The following KIF26B variants were observed in gnomAD, a reference collection of about 807,000 sequenced individuals.
KIF26B encodes kinesin family member 26B.
KIF26B carries 63 observed loss-of-function variants against 151.2 expected under a neutral mutation model. The ratio of observed to expected loss-of-function variants is 0.42; its 90% CI spans 0.34 to 0.51. The LOEUF (loss-of-function observed/expected upper bound fraction) is 0.51, where lower values mean the gene tolerates loss of function less well. Ranked by LOEUF, KIF26B falls within the 20% of genes least tolerant of loss-of-function variation. KIF26B has a pLI of 0.07. For synonymous variants in KIF26B, 1,357 were observed against 1,262.1 expected, an observed-to-expected ratio of 1.08 and a Z score of -1.59; for missense variants, 2,813 against 2,913.6, an observed-to-expected ratio of 0.97 and a Z score of 0.79.
At chr1:245,631,165 A>G (rs1445734988) in intron 9 of KIF26B, among the ~76,000 whole-genome samples, 1 of 152,152 alleles carries the variant, frequency 6.6e-6, no homozygotes, top group African/African-American at 2.4e-5. Context: ...TACTATGTTG[A>G]ATAACAGTGG....
intron 2 of KIF26B, among the ~76,000 whole-genome samples, chr1:245,257,945 C>T (rs952364985): frequency 2.6e-5 from 4 of 152,052 alleles, no homozygotes; most frequent in African/African-American, 7.2e-5. Flanking sequence ...TTGCTTGAAC[C>T]GGGAAGGCGG....
chr1:245,485,165 G>A lies in KIF26B; in HGVS notation c.1167-55602G>A, dbSNP rs1660253385. Among the ~76,000 whole-genome samples, 5 of 152,072 alleles carry A rather than the reference G, an allele frequency of 3.3e-5. No homozygotes were observed. The South Asian group carries it at 1.0e-3, about 32-fold the overall frequency. On this transcript the variant is annotated intron_variant, in intron 4 of 14. Coordinates refer to ENST00000407071, the MANE Select transcript of KIF26B (RefSeq NM_018012.4). ...CACTTAAATAGGGGACCTAGAATAG[G>A]CAAATTCATGCAGACAGAAATAGTG...
intron 2 of KIF26B, among the ~76,000 whole-genome samples, chr1:245,194,341 T>C (rs1338995334): frequency 2.0e-5 from 3 of 152,108 alleles, no homozygotes; most frequent in African/African-American, 7.2e-5. Flanking sequence ...GGGGTTAGAG[T>C]TGCCTAGATT....
intron 4 of KIF26B, among the ~76,000 whole-genome samples, chr1:245,532,466 C>CT (rs1661395114): frequency 1.3e-5 from 2 of 151,814 alleles, no homozygotes. Context: ...AGGATGGTCT[C>CT]GATCTCCCGA....
At chr1:245,183,435 T>G (rs1668941527) in intron 2 of KIF26B, among the ~76,000 whole-genome samples, 1 of 152,218 alleles carries the variant, frequency 6.6e-6, no homozygotes, top group South Asian at 2.1e-4. Flanking sequence ...TTCCAACACT[T>G]AGGTCTATGG....
intron 4 of KIF26B, among the ~76,000 whole-genome samples, chr1:245,456,369 A>G (rs1429857585): frequency 6.6e-6 from 1 of 152,252 alleles, no homozygotes; most frequent in East Asian, 1.9e-4. Flanking sequence ...TCCTTAGTAT[A>G]TAATTCTAGC....
At chr1:245,428,042 A>G (rs1190695959) in intron 4 of KIF26B, among the ~76,000 whole-genome samples, 1 of 152,110 alleles carries the variant, frequency 6.6e-6, no homozygotes, top group Non-Finnish European at 1.5e-5. Context: ...GATGCAGGTA[A>G]TGTCTGGGCT....
chr1:245,344,494 CAAAA>C (rs57007301), intron 2 of KIF26B, among the ~76,000 whole-genome samples: 14 of 39,982 alleles, frequency 3.5e-4, no homozygotes, highest in African/African-American at 5.9e-4. Flanking sequence ...GACTCCGTCT[CAAAA>C]AAAAAAAAAA....
rs576522625 is a variant in KIF26B, at chr1:245,665,896, G to A, written c.2259-18337G>A. Among the ~76,000 whole-genome samples the A allele has an allele frequency of 2.6e-5, 4 of 151,814 alleles. No homozygotes were observed. The South Asian group carries it at 8.3e-4, about 32-fold the overall frequency. ...GCTGGGGTTTCACCATGTTGCCCAG[G>A]CTGGTCTCAAACTCCTGACCTCCAG... On this transcript the variant is annotated intron_variant, in intron 10 of 14. Transcript: ENST00000407071.
chr1:245,195,310 G>T (rs1669171401), intron 2 of KIF26B, among the ~76,000 whole-genome samples: 1 of 152,086 alleles, frequency 6.6e-6, no homozygotes, highest in Admixed American at 6.6e-5. Context: ...ACTGACTTTG[G>T]GGAGTCGTAG....
At chr1:245,410,323 T>G (rs1313549592) in intron 3 of KIF26B, among the ~76,000 whole-genome samples, 1 of 152,142 alleles carries the variant, frequency 6.6e-6, no homozygotes, top group Non-Finnish European at 1.5e-5. Flanking sequence ...TTGGCCCTCT[T>G]CTCTTGACTC....
rs977263316 is a variant in KIF26B at position 245,218,376 on chromosome 1, A to G, written c.465+61693A>G. The stretch of plus-strand genomic sequence containing the variant: ...GGGAGGGAAGGGGAAGGGAGGGCTC[A>G]GGTGAAAAGCAGAAGGGAACTCTAT... On this transcript the variant is annotated intron_variant, in intron 2 of 14. Coordinates refer to ENST00000407071, the MANE Select transcript of KIF26B (RefSeq NM_018012.4). The surrounding 1 kb of genome is among the most constrained non-coding windows in gnomAD (Gnocchi z 4.1). Among the ~76,000 whole-genome samples the G allele has an allele frequency of 6.6e-6, 1 of 151,404 alleles. No individual in the cohort carries two copies. The highest frequency in any genetic ancestry group is 1.5e-5 in the Non-Finnish European group (1 of 67,882).
At chr1:245,515,095 A>G (rs922497354) in intron 4 of KIF26B, among the ~76,000 whole-genome samples, 1 of 152,096 alleles carries the variant, frequency 6.6e-6, no homozygotes, top group Non-Finnish European at 1.5e-5. Flanking sequence ...CTCTGTGCAT[A>G]ACCATTTGAG....
At chr1:245,164,163 A>G (rs1329759593) in intron 2 of KIF26B, among the ~76,000 whole-genome samples, 1 of 152,192 alleles carries the variant, frequency 6.6e-6, no homozygotes, top group Non-Finnish European at 1.5e-5. Context: ...AGGAATGGGT[A>G]TTATATTTTG....
At chr1:245,679,464 T>G (rs1282484181) in intron 10 of KIF26B, among the ~76,000 whole-genome samples, 8 of 122,124 alleles carry the variant, frequency 6.6e-5, no homozygotes, top group African/African-American at 1.5e-4. Context: ...TGTGTTTTTT[T>G]TTTTTTTTTT....
intron 4 of KIF26B, among the ~76,000 whole-genome samples, chr1:245,450,401 C>G (rs1302208932): frequency 6.6e-6 from 1 of 152,172 alleles, no homozygotes; most frequent in Non-Finnish European, 1.5e-5. Context: ...TGAATCATTT[C>G]CACTCAGTTT....
chr1:245,185,960 C>T (rs1193354344), intron 2 of KIF26B, among the ~76,000 whole-genome samples: 1 of 152,078 alleles, frequency 6.6e-6, no homozygotes, highest in African/African-American at 2.4e-5. Context: ...CTGCAACCTC[C>T]GCCTCCCGGA....
intron 10 of KIF26B, among the ~76,000 whole-genome samples, chr1:245,660,198 C>T (rs923850501): frequency 1.1e-4 from 8 of 70,796 alleles, no homozygotes; most frequent in African/African-American, 4.9e-4. Context: ...AGAATTTACC[C>T]CAAAGCTTGA....
chr1:245,509,506 T>A (rs1660788695), intron 4 of KIF26B, among the ~76,000 whole-genome samples: 1 of 152,180 alleles, frequency 6.6e-6, no homozygotes, highest in South Asian at 2.1e-4. Context: ...CTATCCTCCA[T>A]AAATGTTGGT....
Sources: gnomAD v4.1 joint callset for allele counts (sites outside exome capture counted in the v4.1 genomes callset) on GRCh38, gnomAD v4.1.1 for gene constraint, Gnocchi (gnomAD v3.1) non-coding constraint, MANE v1.5 for transcripts, NCBI Gene and HGNC (gene_info 2026-07-23, HGNC 2026-07-21) for gene names.